PRKAA2: variants seen among roughly 807,000 people sequenced by gnomAD.
PRKAA2 encodes protein kinase AMP-activated catalytic subunit alpha 2, also known as 5'-AMP-activated protein kinase catalytic subunit alpha-2.
PRKAA2 carries 40 observed loss-of-function variants against 56.3 expected under a neutral mutation model. The ratio of observed to expected loss-of-function variants is 0.71; its 90% CI spans 0.55 to 0.92. The LOEUF (loss-of-function observed/expected upper bound fraction) is 0.92. Ranked by LOEUF, PRKAA2 falls within the 40% of genes least tolerant of loss-of-function variation. PRKAA2 has a pLI of 0.00. For missense variants in PRKAA2, 542 were observed against 686.9 expected (o/e 0.79, Z 2.36); for synonymous variants, 214 against 234.2 (o/e 0.91, Z 0.79).
chr1:56,650,434 G>A (rs1646678162), intron 1 of PRKAA2, among the ~76,000 whole-genome samples: 1 of 152,098 alleles, frequency 6.6e-6, no homozygotes, highest in Non-Finnish European at 1.5e-5. Context: ...TCTGGGTAGG[G>A]TAAAACTGTT....
At chr1:56,658,807 T>C (rs1439849066) in intron 1 of PRKAA2, among the ~76,000 whole-genome samples, 1 of 151,714 alleles carries the variant, frequency 6.6e-6, no homozygotes, top group Non-Finnish European at 1.5e-5. Flanking sequence ...TGGCATGATC[T>C]TGGCTCACTG....
In PRKAA2 at chr1:56,680,940, TC is replaced by T. The variant is rs529788380; in HGVS notation, c.236+6420del. On this transcript the variant is annotated intron_variant, in intron 2 of 8. Coordinates refer to ENST00000371244, the MANE Select transcript of PRKAA2 (RefSeq NM_006252.4). The stretch of plus-strand genomic sequence containing the variant: ...TCCTTGAGGAATCACCACACTGTGT[TC>T]CACAATGGTTGAACTAGTTTACAGT... Among the ~76,000 whole-genome samples the T allele has an allele frequency of 1.6e-4, 24 of 152,358 alleles. No individual in the cohort carries two copies. In the South Asian group the frequency reaches 1.7e-3, roughly 11 times the overall value.
At chr1:56,700,195 TTA>T (rs1557562087) in intron 6 of PRKAA2, among the ~76,000 whole-genome samples, 1 of 152,218 alleles carries the variant, frequency 6.6e-6, no homozygotes, top group Non-Finnish European at 1.5e-5. Flanking sequence ...GTATTCTTTT[TTA>T]TATATGGCTA....
rs1485781868 is a variant in PRKAA2 at position 56,714,175 on chromosome 1, TTTATATTTTAACCC to T, written c.*6465_*6478del. 1 of 152,204 alleles carries T rather than the reference TTTATATTTTAACCC, an allele frequency of 6.6e-6. No individual in the cohort carries two copies. The highest frequency in any genetic ancestry group is 1.5e-5 in the Non-Finnish European group (1 of 68,028). The allele number at this position is 152,204 out of a possible 1,614,324, so 9.4% of individuals were successfully genotyped here. The stretch of plus-strand genomic sequence containing the variant: ...TAAATGAATTTGATGAATGGCAGTT[TTTATATTTTAACCC>T]TTTAAAAAGTTTGTCAAGGAAACAA... On this transcript the variant is annotated 3_prime_UTR_variant, in exon 9 of 9. Coordinates refer to ENST00000371244, the MANE Select transcript of PRKAA2 (RefSeq NM_006252.4).
rs1262113124 is a variant in PRKAA2 at position 56,704,095 on chromosome 1, T to C, written c.913T>C (p.Ser305Pro). ...EVCEKFECTESEVMNSLYSGD... is the reference protein window; with the variant it reads ...EVCEKFECTEPEVMNSLYSGD... Reference sequence around the variant, plus strand: ...GTGTGAAAAATTTGAATGTACAGAATCAGAAGTAATGAACAGTTTATATAG... The same window carrying C: ...GTGTGAAAAATTTGAATGTACAGAACCAGAAGTAATGAACAGTTTATATAG... Residue 305 changes from serine (S) to proline (P), a missense_variant, in exon 7 of 9, where the codon TCA becomes CCA. Coordinates refer to ENST00000371244, the MANE Select transcript of PRKAA2 (RefSeq NM_006252.4). 5 of 1,614,154 alleles carry C rather than the reference T, an allele frequency of 3.1e-6. No homozygotes were observed. The highest frequency in any genetic ancestry group is 4.2e-6 in the Non-Finnish European group (5 of 1,180,016).
rs1644391296 is a variant in PRKAA2, at chr1:56,714,318, G to A, written c.*6605G>A. On this transcript the variant is annotated 3_prime_UTR_variant, in exon 9 of 9. Coordinates refer to ENST00000371244, the MANE Select transcript of PRKAA2 (RefSeq NM_006252.4). The stretch of plus-strand genomic sequence containing the variant: ...CATTTAGTTTTTTGATTTACAAAAT[G>A]TGGATAATAACCTACCTCACAGATG... 6.6e-6 allele frequency: 1 copy of A among 152,130 alleles called. No homozygotes were observed. Among genetic ancestry groups the A allele is most frequent in the Admixed American group, 6.6e-5 (1 of 15,262 alleles). 9.4% of individuals were successfully genotyped at this position (152,130 alleles called of 1,614,324 possible).
At chr1:56,655,280 A>ATATATATTTATTTTTT in intron 1 of PRKAA2, among the ~76,000 whole-genome samples, 1 of 93,654 alleles carries the variant, frequency 1.1e-5, no homozygotes, top group Non-Finnish European at 1.9e-5. Context: ...ATATATATAT[A>ATATATATTTATTTTTT]TTTTTTTTTT....
At chr1:56,693,673 G>A in intron 4 of PRKAA2, 92 bp from the exon 5 acceptor site, 1 of 752,238 alleles carries the variant, frequency 1.3e-6, no homozygotes, top group Non-Finnish European at 2.1e-6. Context: ...GATATATGGA[G>A]GATCCAGGAC....
chr1:56,688,135 TTTTCCAC>T (rs1288515147), intron 2 of PRKAA2, among the ~76,000 whole-genome samples: 2 of 152,204 alleles, frequency 1.3e-5, no homozygotes, highest in African/African-American at 2.4e-5. Context: ...GGAATTTGCC[TTTTCCAC>T]TAAATCCTTA....
chr1:56,704,613 C>A (rs989453948), intron 7 of PRKAA2, 138 bp downstream of exon 7: 45 of 986,864 alleles, frequency 4.6e-5, no homozygotes, highest in East Asian at 4.4e-4. Context: ...AAACAAATAA[C>A]CTCTATAAGG....
intron 2 of PRKAA2, among the ~76,000 whole-genome samples, chr1:56,675,477 G>A (rs1644106599): frequency 6.6e-6 from 1 of 152,028 alleles, no homozygotes; most frequent in Non-Finnish European, 1.5e-5. Flanking sequence ...AAAAGTAATA[G>A]CAGCTTATCC....
At chr1:56,700,411 G>A (rs1367440860) in intron 6 of PRKAA2, among the ~76,000 whole-genome samples, 1 of 152,116 alleles carries the variant, frequency 6.6e-6, no homozygotes, top group Non-Finnish European at 1.5e-5. Flanking sequence ...TCTGCCAGTG[G>A]TGAGAAATTA....
At chr1:56,652,937 T>C (rs1643913849) in intron 1 of PRKAA2, among the ~76,000 whole-genome samples, 1 of 152,206 alleles carries the variant, frequency 6.6e-6, no homozygotes, top group African/African-American at 2.4e-5. Flanking sequence ...TATCTGTGCT[T>C]TATGATACTT....
At chr1:56,653,443 T>G (rs1353374970) in intron 1 of PRKAA2, among the ~76,000 whole-genome samples, 1 of 152,106 alleles carries the variant, frequency 6.6e-6, no homozygotes, top group Non-Finnish European at 1.5e-5. Context: ...TGATGTAGTA[T>G]AAATACTCTC....
Position 56,710,927 on chromosome 1 carries a change from A to T in PRKAA2, c.*3214A>T, listed in dbSNP as rs1644365354. 1.3e-5 allele frequency: 2 copies of T among 152,084 alleles called. No individual in the cohort carries two copies. The highest frequency in any genetic ancestry group is 4.1e-4 in the South Asian group (2 of 4,828). The allele number at this position is 152,084 out of a possible 1,614,324, so 9.4% of individuals were successfully genotyped here. On this transcript the variant is annotated 3_prime_UTR_variant, in exon 9 of 9. Coordinates refer to ENST00000371244, the MANE Select transcript of PRKAA2 (RefSeq NM_006252.4). ...CTTTTCTTTGGGATACCATATGAAGATCTAATTCCTTATGTTTCAGTGTAG... is the reference window on the plus strand; with the variant it reads ...CTTTTCTTTGGGATACCATATGAAGTTCTAATTCCTTATGTTTCAGTGTAG...
At chr1:56,662,615 A>G (rs1644003777) in intron 1 of PRKAA2, among the ~76,000 whole-genome samples, 1 of 152,150 alleles carries the variant, frequency 6.6e-6, no homozygotes, top group Non-Finnish European at 1.5e-5. Context: ...AAATGCCATC[A>G]AGGTCAAGAT....
chr1:56,707,159 A>G (rs1360889520), intron 8 of PRKAA2, among the ~76,000 whole-genome samples: 1 of 152,122 alleles, frequency 6.6e-6, no homozygotes, highest in Non-Finnish European at 1.5e-5. Flanking sequence ...CTAGAAGAAA[A>G]TAAGTTGTCA....
intron 1 of PRKAA2, among the ~76,000 whole-genome samples, chr1:56,651,345 A>T (rs887278693): frequency 6.6e-6 from 1 of 152,228 alleles, no homozygotes; most frequent in Non-Finnish European, 1.5e-5. Context: ...TAATCACTGT[A>T]TGATATATGC....
chr1:56,674,570 A>G (rs1644100070), intron 2 of PRKAA2, 48 bp downstream of exon 2: 9 of 1,348,220 alleles, frequency 6.7e-6, no homozygotes, highest in Non-Finnish European at 8.9e-6. Flanking sequence ...CTATCTTAAA[A>G]TGTTTTTTAG....
Sources: gnomAD v4.1 joint callset for allele counts (sites outside exome capture counted in the v4.1 genomes callset) on GRCh38, gnomAD v4.1.1 for gene constraint, MANE v1.5 for transcripts, NCBI Gene and HGNC (gene_info 2026-07-23, HGNC 2026-07-21) for gene names.